NLRP4: variants seen among roughly 807,000 people sequenced by gnomAD.
NLRP4 encodes the protein NACHT, LRR and PYD domains-containing protein 4.
A neutral mutation model predicts 84.7 loss-of-function variants in NLRP4; 44 were observed. The observed-to-expected ratio is 0.52, with a 90% CI of 0.41 to 0.67. NLRP4 has a LOEUF of 0.67. NLRP4 is among the 30% of genes least tolerant of loss of function. The pLI, the probability that NLRP4 is intolerant of heterozygous loss-of-function variation, is 0.00. For missense variants in NLRP4, 1,260 were observed against 1,219.4 expected (o/e 1.03, Z -0.50); for synonymous variants, 544 against 476.4 (o/e 1.14, Z -1.85).
intron 5 of NLRP4, among the ~76,000 whole-genome samples, chr19:55,864,639 T>C (rs535645329): frequency 7.9e-4 from 120 of 152,234 alleles, no homozygotes; most frequent in Non-Finnish European, 1.3e-3. Flanking sequence ...ACCAAGTTAT[T>C]TTCCTCAGTG....
chr19:55,837,903 G>A (rs1433675677), intron 1 of NLRP4, among the ~76,000 whole-genome samples: 1 of 152,100 alleles, frequency 6.6e-6, no homozygotes, highest in East Asian at 1.9e-4. Flanking sequence ...GGGTATGGTG[G>A]CAGGTGCCTG....
chr19:55,849,850 G>GA (rs1983955048), intron 1 of NLRP4, among the ~76,000 whole-genome samples: 1 of 142,998 alleles, frequency 7.0e-6, no homozygotes, highest in African/African-American at 2.8e-5. Flanking sequence ...TGTAATTTCC[G>GA]AGACTGCGGT....
intron 1 of NLRP4, among the ~76,000 whole-genome samples, chr19:55,849,497 C>A (rs770671032): frequency 3.9e-5 from 6 of 152,186 alleles, no homozygotes; most frequent in Non-Finnish European, 8.8e-5. Flanking sequence ...AGCAGAGTCC[C>A]TTCCTGATGA....
chr19:55,879,039 A>C, intron 9 of NLRP4, 75 bp downstream of exon 9: 2 of 1,152,176 alleles, frequency 1.7e-6, no homozygotes, highest in South Asian at 2.9e-5. Flanking sequence ...CCTGCAGTGT[A>C]ATCACGTTGC....
At position 55,870,995 on chromosome 19, in the gene NLRP4, G is replaced by A. The variant is rs761037152; in HGVS notation, c.2523G>A (p.Leu841=). Residue 841 remains leucine, a splice_region_variant and synonymous_variant, in exon 7 of 10, where the codon CTG becomes CTA. Transcript: ENST00000301295. ...LKHPDCCLDS[L]CLVKCFITAA... is the part of the protein sequence containing the mutation. The stretch of plus-strand genomic sequence containing the variant: ...ATCCGGACTGCTGCCTGGATTCACT[G>A]TGGTAGGCTTTTTGCTGTTTCTTTG... 5.6e-6 allele frequency: 9 copies of A among 1,613,402 alleles called. No individual in the cohort carries two copies. Among genetic ancestry groups the A allele is most frequent in the Non-Finnish European group, 2.5e-6 (3 of 1,179,504 alleles).
intron 3 of NLRP4, among the ~76,000 whole-genome samples, chr19:55,860,973 C>T (rs1483421670): frequency 6.6e-6 from 1 of 152,116 alleles, no homozygotes; most frequent in African/African-American, 2.4e-5. Context: ...AGTGAAACTC[C>T]ATCTCAAAAA....
intron 1 of NLRP4, among the ~76,000 whole-genome samples, chr19:55,846,063 A>G (rs895396169): frequency 2.0e-5 from 3 of 152,122 alleles, no homozygotes; most frequent in Non-Finnish European, 4.4e-5. Flanking sequence ...TTTTGTTGCC[A>G]TTGCTTGGTG....
chr19:55,859,547 C>A (rs2123036411), intron 3 of NLRP4, among the ~76,000 whole-genome samples: 1 of 152,208 alleles, frequency 6.6e-6, no homozygotes, highest in African/African-American at 2.4e-5. Flanking sequence ...ATTAGCTGAT[C>A]AGTACTATAA....
At chr19:55,840,258 C>T (rs950660135) in intron 1 of NLRP4, among the ~76,000 whole-genome samples, 8 of 151,666 alleles carry the variant, frequency 5.3e-5, no homozygotes, top group Admixed American at 5.3e-4. Context: ...GATAAAATAT[C>T]CTGCTATGAT....
chr19:55,859,926 C>CAAAAA (rs1166037425), intron 3 of NLRP4, among the ~76,000 whole-genome samples: 6 of 17,494 alleles, frequency 3.4e-4, no homozygotes, highest in African/African-American at 4.4e-4. Flanking sequence ...CTCTCATCTC[C>CAAAAA]AAAAAAAAAA....
intron 1 of NLRP4, among the ~76,000 whole-genome samples, chr19:55,842,864 G>C (rs1452731158): frequency 6.6e-6 from 1 of 151,768 alleles, no homozygotes; most frequent in African/African-American, 2.4e-5. Flanking sequence ...GGTTCACGCC[G>C]TTCTCCTGCC....
intron 1 of NLRP4, among the ~76,000 whole-genome samples, chr19:55,845,138 T>C (rs1394824603): frequency 2.7e-5 from 4 of 150,686 alleles, no homozygotes; most frequent in African/African-American, 7.3e-5. Context: ...AACTCGTCAT[T>C]TAGCATTAGG....
rs757843835 is a variant in NLRP4 at position 55,857,776 on chromosome 19, A to G, written c.383A>G (p.Lys128Arg). 1.2e-6 allele frequency: 2 copies of G among 1,614,146 alleles called. No homozygotes were observed. The highest frequency in any genetic ancestry group is 1.7e-6 in the Non-Finnish European group (2 of 1,179,968). ...CACCTATACTTTGAGGAGGAAGTCA[A>G]GCAAGAAGAATGTGACCATTTGGAC... ...EIHLYFEEEV[K>R]QEECDHLDRL... The change falls in exon 3 of 10, where the codon AAG becomes AGG. Residue 128 changes from lysine (K) to arginine (R), a missense_variant. Lys to Arg is a conservative substitution (Grantham distance 26). Transcript: ENST00000301295.
chr19:55,875,649 T>C (rs1985340876), intron 7 of NLRP4, among the ~76,000 whole-genome samples: 1 of 152,158 alleles, frequency 6.6e-6, no homozygotes, highest in African/African-American at 2.4e-5. Flanking sequence ...ATGTTTTTGT[T>C]TGGTGATTGA....
chr19:55,877,874 TATG>T (rs1257369186), intron 8 of NLRP4, among the ~76,000 whole-genome samples: 2 of 152,194 alleles, frequency 1.3e-5, no homozygotes, highest in Non-Finnish European at 2.9e-5. Context: ...TGTATCCAAA[TATG>T]ATCACATTTT....
At chr19:55,837,666 C>G (rs1239496554) in intron 1 of NLRP4, among the ~76,000 whole-genome samples, 1 of 151,106 alleles carries the variant, frequency 6.6e-6, no homozygotes, top group Non-Finnish European at 1.5e-5. Flanking sequence ...AAGGTTGTTG[C>G]AGATGTAATT....
intron 2 of NLRP4, among the ~76,000 whole-genome samples, chr19:55,854,910 G>C (rs892307562): frequency 6.6e-6 from 1 of 152,126 alleles, no homozygotes; most frequent in South Asian, 2.1e-4. Context: ...TTTTAGTAGA[G>C]ACGGGATTTT....
intron 1 of NLRP4, among the ~76,000 whole-genome samples, chr19:55,843,372 T>C (rs562193437): frequency 1.1e-4 from 17 of 152,240 alleles, no homozygotes; most frequent in Admixed American, 8.5e-4. Context: ...AATTAGTAGA[T>C]TGATTTTTTT....
chr19:55,842,135 C>A (rs181114270), intron 1 of NLRP4, among the ~76,000 whole-genome samples: 145 of 152,238 alleles, frequency 9.5e-4, no homozygotes, highest in African/African-American at 3.4e-3. Context: ...TGAGTTACCC[C>A]AGATTTTTTA....
Sources: gnomAD v4.1 joint callset for allele counts (sites outside exome capture counted in the v4.1 genomes callset) on GRCh38, gnomAD v4.1.1 for gene constraint, MANE v1.5 for transcripts, NCBI Gene and HGNC (gene_info 2026-07-23, HGNC 2026-07-21) for gene names.